Variants in TANC2 observed in about 807,000 individuals in gnomAD.
TANC2 encodes protein TANC2.
In TANC2, 26 loss-of-function variants were observed where a neutral mutation model predicts 210.5. The ratio of observed to expected loss-of-function variants is 0.12; its 90% CI spans 0.09 to 0.17. The LOEUF is 0.17. TANC2 is among the 10% of genes least tolerant of loss of function. TANC2 has a pLI of 1.00. For missense variants in TANC2, 2,129 were observed against 2,608.9 expected (o/e 0.82, Z 4.01); for synonymous variants, 931 against 967.1 (o/e 0.96, Z 0.69).
intron 2 of TANC2, among the ~76,000 whole-genome samples, chr17:63,054,433 G>A (rs993133792): frequency 1.3e-5 from 2 of 151,986 alleles, no homozygotes; most frequent in Admixed American, 6.6e-5. Flanking sequence ...GTATAGTGGC[G>A]CGATCTCGGC....
At chr17:63,247,151 G>A (rs900690924) in intron 8 of TANC2, among the ~76,000 whole-genome samples, 10 of 151,980 alleles carry the variant, frequency 6.6e-5, no homozygotes, top group South Asian at 4.2e-4. Flanking sequence ...GGATTTGTAC[G>A]AACTTGTTGT....
At chr17:63,082,206 G>C (rs757563868) in intron 3 of TANC2, among the ~76,000 whole-genome samples, 1 of 152,102 alleles carries the variant, frequency 6.6e-6, no homozygotes, top group African/African-American at 2.4e-5. Flanking sequence ...TGAACATCTA[G>C]AAAGATTTTA....
intron 4 of TANC2, chr17:63,117,237 A>G (rs1023712582): frequency 6.6e-5 from 10 of 152,202 alleles, no homozygotes; most frequent in Admixed American, 6.5e-4. Context: ...CACTCTGTTA[A>G]CGCTGCGCCA....
chr17:63,393,229 G>A (rs1247480664), intron 17 of TANC2: 2 of 152,142 alleles, frequency 1.3e-5, no homozygotes, highest in African/African-American at 4.8e-5. Context: ...GTGAGATTGA[G>A]TGTATATATT....
chr17:63,210,333 A>C (rs1212643522), intron 7 of TANC2, among the ~76,000 whole-genome samples: 2 of 152,170 alleles, frequency 1.3e-5, no homozygotes, highest in East Asian at 1.9e-4. Context: ...CATCATGGAC[A>C]CATGTCCAGG....
At chr17:62,996,460 C>G (rs1204819308) in intron 1 of TANC2, among the ~76,000 whole-genome samples, 3 of 152,106 alleles carry the variant, frequency 2.0e-5, no homozygotes, top group Non-Finnish European at 4.4e-5. Flanking sequence ...CTGTACCTCA[C>G]AGTCGATTTC....
chr17:63,241,515 C>G lies in TANC2; in HGVS notation c.1033+3438C>G, dbSNP rs1358956930. Among the ~76,000 whole-genome samples the G allele has an allele frequency of 2.6e-5, 4 of 152,254 alleles. No individual in the cohort carries two copies. The East Asian group carries it at 7.7e-4, about 29-fold the overall frequency. On this transcript the variant is annotated intron_variant, in intron 8 of 27. Coordinates refer to ENST00000689528, the Ensembl canonical transcript of TANC2. ...AAATAAAGTTTCATAGCAGCAAAAC[C>G]ACACTCATTTATTTATTTATGGCTA...
At chr17:63,279,779 TC>T (rs903814119) in intron 9 of TANC2, among the ~76,000 whole-genome samples, 3 of 151,266 alleles carry the variant, frequency 2.0e-5, no homozygotes, top group African/African-American at 7.3e-5. Flanking sequence ...TCCCAAGGAG[TC>T]CCCCCCACCC....
chr17:63,246,243 C>CTTTTTT (rs141334352), intron 8 of TANC2, among the ~76,000 whole-genome samples: 2 of 148,108 alleles, frequency 1.4e-5, no homozygotes, highest in Non-Finnish European at 1.5e-5. Context: ...CTGGCCAGAA[C>CTTTTTT]TTTTTTTTTT....
chr17:62,990,534 T>G (rs1213472454), intron 1 of TANC2, among the ~76,000 whole-genome samples: 1 of 152,114 alleles, frequency 6.6e-6, no homozygotes, highest in Non-Finnish European at 1.5e-5. Context: ...TCTTCCCACC[T>G]TGGACCCCCA....
intron 11 of TANC2, among the ~76,000 whole-genome samples, chr17:63,338,460 G>A (rs1303371866): frequency 6.6e-6 from 1 of 152,198 alleles, no homozygotes; most frequent in Non-Finnish European, 1.5e-5. Flanking sequence ...GCCTCAACAT[G>A]TGGAATCAAT....
At chr17:63,117,908 A>G (rs1017961204) in intron 4 of TANC2, among the ~76,000 whole-genome samples, 1 of 152,202 alleles carries the variant, frequency 6.6e-6, no homozygotes. Flanking sequence ...ATTTTGGCAC[A>G]TTTATTTAAT....
intron 5 of TANC2, among the ~76,000 whole-genome samples, chr17:63,181,119 T>C (rs934341920): frequency 1.3e-5 from 2 of 151,244 alleles, no homozygotes; most frequent in Non-Finnish European, 2.9e-5. Flanking sequence ...AAATTTGCAA[T>C]GTCACAGAGC....
chr17:63,325,789 C>A (rs150243470), intron 11 of TANC2, among the ~76,000 whole-genome samples: 33 of 152,296 alleles, frequency 2.2e-4, no homozygotes, highest in African/African-American at 7.9e-4. Flanking sequence ...AATTCAGAAT[C>A]AGATTCATGT....
intron 12 of TANC2, among the ~76,000 whole-genome samples, chr17:63,341,674 A>G (rs1259507726): frequency 6.6e-6 from 1 of 152,230 alleles, no homozygotes; most frequent in Non-Finnish European, 1.5e-5. Context: ...CTTCTAAACC[A>G]TTCATGGCAC....
chr17:63,125,308 A>C (rs1404062789), intron 4 of TANC2: 1 of 152,212 alleles, frequency 6.6e-6, no homozygotes, highest in African/African-American at 2.4e-5. Context: ...GTAACTGTCC[A>C]ATAATGATAG....
intron 3 of TANC2, among the ~76,000 whole-genome samples, chr17:63,075,492 A>C (rs1198593760): frequency 2.0e-5 from 3 of 152,148 alleles, no homozygotes; most frequent in African/African-American, 7.2e-5. Context: ...TTAACTTTTT[A>C]GAGATTTTAT....
rs201847314 is a variant in TANC2, at chr17:63,009,612, A to G, written c.53A>G (p.Lys18Arg). Residue 18 changes from lysine (K) to arginine (R), a missense_variant, in exon 2 of 28, where the codon AAA becomes AGA. Coordinates refer to ENST00000689528, the Ensembl canonical transcript of TANC2. ...CTTACTGGTGGGAAATCAAGTCGTA[A>G]AAACAGGTCAAGTGGTAAGTGACTA... is the stretch of plus-strand genomic sequence containing the variant. The G allele has an allele frequency of 2.1e-4, 344 of 1,612,982 alleles. No homozygotes were observed. The highest frequency in any genetic ancestry group is 2.6e-4 in the Non-Finnish European group (307 of 1,179,262).
chr17:63,171,088 T>C (rs1375060960), intron 5 of TANC2, among the ~76,000 whole-genome samples: 20 of 142,588 alleles, frequency 1.4e-4, no homozygotes, highest in Middle Eastern at 3.5e-3. Flanking sequence ...TTTCTTTTTT[T>C]TTTTTTTTTT....
Sources: allele counts gnomAD v4.1 joint callset (sites outside exome capture counted in the v4.1 genomes callset), GRCh38; gene constraint gnomAD v4.1.1; transcripts MANE v1.5; gene names NCBI Gene and HGNC (gene_info 2026-07-23, HGNC 2026-07-21).